The following SIK2 variants were observed in gnomAD, a reference collection of about 807,000 sequenced individuals.
SIK2 encodes the protein serine/threonine-protein kinase SIK2.
A neutral mutation model predicts 103.2 loss-of-function variants in SIK2; 29 were observed. The ratio of observed to expected loss-of-function variants is 0.28; its 90% CI spans 0.21 to 0.38. The LOEUF (loss-of-function observed/expected upper bound fraction) is 0.38, where lower values mean the gene tolerates loss of function less well. Among genes scored for constraint, SIK2 ranks in the 10% least tolerant of loss-of-function variants. SIK2 has a pLI of 1.00. For missense variants in SIK2, 879 were observed against 1,171.0 expected (o/e 0.75, Z 3.64); for synonymous variants, 412 against 446.1 (o/e 0.92, Z 0.96).
intron 4 of SIK2, among the ~76,000 whole-genome samples, chr11:111,693,873 T>TATG (rs1434401360): frequency 1.3e-5 from 2 of 152,156 alleles, no homozygotes; most frequent in African/African-American, 4.8e-5. Flanking sequence ...TAGGTCAGAG[T>TATG]ATGGGCTGTG....
chr11:111,654,122 G>A (rs1208448061), intron 3 of SIK2, among the ~76,000 whole-genome samples: 1 of 152,172 alleles, frequency 6.6e-6, no homozygotes, highest in Non-Finnish European at 1.5e-5. Flanking sequence ...TATAGCAGTG[G>A]TCTTACTATT....
intron 3 of SIK2, 39 bp from the exon 4 acceptor site, chr11:111,687,962 A>G: frequency 6.3e-7 from 1 of 1,598,958 alleles, no homozygotes; most frequent in Non-Finnish European, 8.5e-7. Context: ...GAGTTATTTT[A>G]TTTTGGTGAC....
intron 3 of SIK2, among the ~76,000 whole-genome samples, chr11:111,645,048 T>C (rs955843520): frequency 1.3e-5 from 2 of 152,154 alleles, no homozygotes; most frequent in Non-Finnish European, 2.9e-5. Flanking sequence ...GGAGGTATAA[T>C]AGAGACTGAG....
chr11:111,687,382 G>A (rs1197723966), intron 3 of SIK2, among the ~76,000 whole-genome samples: 1 of 151,668 alleles, frequency 6.6e-6, no homozygotes, highest in Non-Finnish European at 1.5e-5. Context: ...GGGCATGGTG[G>A]CAGGTACCTG....
chr11:111,650,424 T>C (rs536454491), intron 3 of SIK2, among the ~76,000 whole-genome samples: 1 of 152,234 alleles, frequency 6.6e-6, no homozygotes, highest in South Asian at 2.1e-4. Context: ...CGACAATAAC[T>C]TTCCCCTAAA....
intron 3 of SIK2, among the ~76,000 whole-genome samples, chr11:111,645,502 T>C (rs1942243193): frequency 6.6e-6 from 1 of 152,328 alleles, no homozygotes; most frequent in South Asian, 2.1e-4. Flanking sequence ...TTTAGGACTA[T>C]GTGCGTAGTA....
intron 9 of SIK2, among the ~76,000 whole-genome samples, chr11:111,717,107 G>A (rs1396271016): frequency 6.6e-6 from 1 of 152,036 alleles, no homozygotes; most frequent in Non-Finnish European, 1.5e-5. Flanking sequence ...GAGGTCAGGA[G>A]ATCGAGACCA....
chr11:111,644,287 CAAAA>C (rs559236704), intron 3 of SIK2, among the ~76,000 whole-genome samples: 3 of 42,020 alleles, frequency 7.1e-5, no homozygotes, highest in African/African-American at 2.5e-4. Flanking sequence ...GACTCCATCT[CAAAA>C]AAAAAAAAAA....
At chr11:111,690,894 A>G (rs910839152) in intron 4 of SIK2, among the ~76,000 whole-genome samples, 3 of 152,126 alleles carry the variant, frequency 2.0e-5, no homozygotes, top group South Asian at 4.1e-4. Flanking sequence ...AGTCTTTGCT[A>G]TTGTAAATAG....
intron 3 of SIK2, among the ~76,000 whole-genome samples, chr11:111,677,361 A>G (rs941006367): frequency 1.3e-5 from 2 of 152,174 alleles, no homozygotes; most frequent in Non-Finnish European, 2.9e-5. Flanking sequence ...GTAAGCCAGT[A>G]TTGCCTCATG....
chr11:111,634,575 A>C (rs760795020), intron 3 of SIK2, among the ~76,000 whole-genome samples: 3 of 152,068 alleles, frequency 2.0e-5, no homozygotes, highest in Non-Finnish European at 4.4e-5. Flanking sequence ...CACTTGAATC[A>C]CTTCAACACC....
At chr11:111,723,432 T>G in intron 14 of SIK2, 64 bp from the exon 15 acceptor site, 5 of 1,502,626 alleles carry the variant, frequency 3.3e-6, no homozygotes, top group Non-Finnish European at 4.5e-6. Context: ...GGTATTGCAT[T>G]TACATTAAAA....
Position 111,722,569 on chromosome 11 carries a change from G to T in SIK2, c.2056-96G>T. 8.8e-7 allele frequency: 1 copy of T among 1,141,882 alleles called. No homozygotes were observed. Among genetic ancestry groups the T allele is most frequent in the East Asian group, 2.4e-5 (1 of 42,132 alleles). 70.7% of individuals were successfully genotyped at this position (1,141,882 alleles called of 1,614,324 possible). On this transcript the variant is annotated intron_variant, in intron 13 of 14. Transcript: ENST00000304987. This position sits in a 1 kb window ranked among gnomAD's most constrained non-coding sequence, Gnocchi z 4.4. ...TCACCCCGTGTGGATTCTGTAGAATGCAGTTAGATTCATCCTGCAGGCAGA... is the reference window on the plus strand; with the variant it reads ...TCACCCCGTGTGGATTCTGTAGAATTCAGTTAGATTCATCCTGCAGGCAGA...
chr11:111,718,342 A>G (rs1413753768), intron 9 of SIK2, among the ~76,000 whole-genome samples: 2 of 152,212 alleles, frequency 1.3e-5, no homozygotes, highest in Non-Finnish European at 2.9e-5. Context: ...GTCAAAAAGG[A>G]AAGTTTATCT....
At chr11:111,663,657 G>A (rs1478434682) in intron 3 of SIK2, among the ~76,000 whole-genome samples, 1 of 152,134 alleles carries the variant, frequency 6.6e-6, no homozygotes, top group Non-Finnish European at 1.5e-5. Flanking sequence ...AGTAGAGAGA[G>A]GAGACTGGTT....
chr11:111,639,789 A>G (rs1942156775), intron 3 of SIK2, among the ~76,000 whole-genome samples: 1 of 151,988 alleles, frequency 6.6e-6, no homozygotes, highest in Non-Finnish European at 1.5e-5. Flanking sequence ...TTGCCATGGG[A>G]GTTTTGACTC....
chr11:111,721,982 C>T, intron 13 of SIK2, 42 bp downstream of exon 13: 2 of 1,447,296 alleles, frequency 1.4e-6, no homozygotes, highest in East Asian at 2.3e-5. Flanking sequence ...TCTGCTCATC[C>T]AGAATCTGTT....
intron 3 of SIK2, among the ~76,000 whole-genome samples, chr11:111,684,540 A>C (rs1213082451): frequency 6.6e-6 from 1 of 152,206 alleles, no homozygotes; most frequent in African/African-American, 2.4e-5. Flanking sequence ...GTGGAATCTT[A>C]GGAGAGATAT....
chr11:111,687,514 CA>C (rs35674513), intron 3 of SIK2, among the ~76,000 whole-genome samples: 50 of 125,082 alleles, frequency 4.0e-4, no homozygotes, highest in African/African-American at 4.3e-4. Flanking sequence ...GACTCCATCT[CA>C]AAAAAAAAAA....
Sources: allele counts gnomAD v4.1 joint callset (sites outside exome capture counted in the v4.1 genomes callset), GRCh38; gene constraint gnomAD v4.1.1; non-coding constraint Gnocchi (gnomAD v3.1); transcripts MANE v1.5; gene names NCBI Gene and HGNC (gene_info 2026-07-23, HGNC 2026-07-21).